TUB: variants seen among roughly 807,000 people sequenced by gnomAD.
TUB encodes the protein tubby protein homolog.
A neutral mutation model predicts 59.7 loss-of-function variants in TUB; 33 were observed. That is an observed-to-expected ratio of 0.55 (90% CI 0.42 to 0.74). The LOEUF is 0.74. TUB is among the 30% of genes least tolerant of loss of function. The probability of loss-of-function intolerance (pLI) is 0.00; values close to 1 mark genes in which losing one functional copy is unlikely to be tolerated. For missense variants in TUB, 659 were observed against 672.0 expected (o/e 0.98, Z 0.21); for synonymous variants, 293 against 256.4 (o/e 1.14, Z -1.36).
At chr11:8,055,223 G>A (rs1361835607) in intron 2 of TUB, among the ~76,000 whole-genome samples, 1 of 151,670 alleles carries the variant, frequency 6.6e-6, no homozygotes. Context: ...CTGTGTGTGT[G>A]CGTGTGTGAG....
upstream of TUB, among the ~76,000 whole-genome samples, chr11:8,033,671 TGGCAC>T (rs1482052529): frequency 6.6e-6 from 1 of 152,234 alleles, no homozygotes; most frequent in African/African-American, 2.4e-5. Flanking sequence ...ACCCAGGGCC[TGGCAC>T]GGCAGAGATG....
rs1943743023 is a variant in TUB at position 8,090,112 on chromosome 11, C to T, written c.134C>T (p.Pro45Leu). The change falls in exon 3 of 12, where the codon CCC becomes CTC. Residue 45 changes from proline (P) to leucine (L), a missense_variant. By Grantham distance (98) the Pro-to-Leu change is moderately conservative (BLOSUM62 -3). Coordinates refer to ENST00000299506, the MANE Select transcript of TUB (RefSeq NM_177972.3). ...EQKQKKKRQE[P>L]LMVQANADGR... is the part of the protein sequence containing the mutation. ...AAGCAGAAGAAGAAGCGCCAGGAGC[C>T]CCTGATGGTGCAGGCCAATGCAGAT... is the stretch of plus-strand genomic sequence containing the variant. The T allele has an allele frequency of 2.5e-6, 4 of 1,613,100 alleles. No individual in the cohort carries two copies. Among genetic ancestry groups the T allele is most frequent in the African/African-American group, 1.3e-5 (1 of 74,934 alleles).
upstream of TUB, among the ~76,000 whole-genome samples, chr11:8,038,148 G>A (rs531155895): frequency 6.6e-6 from 1 of 152,304 alleles, no homozygotes; most frequent in Admixed American, 6.5e-5. Flanking sequence ...AGACTCACAG[G>A]AAGTCCAAAA....
Position 8,094,161 on chromosome 11 carries a change from T to C in TUB, c.369T>C (p.Ala123=), listed in dbSNP as rs752116875. The C allele has an allele frequency of 4.3e-6, 7 of 1,613,716 alleles. No individual in the cohort carries two copies. The highest frequency in any genetic ancestry group is 2.2e-5 in the South Asian group (2 of 91,044). The change falls in exon 4 of 12, where the codon GCT becomes GCC. Residue 123 remains alanine (A), a synonymous_variant. Transcript: ENST00000299506. ...AATAGGQGGA[A]RKEKKGKHKG... ...CAGCAGGGGGCCAGGGTGGCGCCGC[T>C]AGGAAGGAGAAGAAGGGAAAGCACA...
chr11:8,048,328 G>T (rs1396718597), intron 2 of TUB, among the ~76,000 whole-genome samples: 1 of 152,192 alleles, frequency 6.6e-6, no homozygotes, highest in African/African-American at 2.4e-5. Flanking sequence ...ATAAGTGAAT[G>T]AATGTTTTAA....
At chr11:8,076,789 T>C (rs1318761704), upstream of TUB, 1 of 152,240 alleles carries the variant, frequency 6.6e-6, no homozygotes, top group East Asian at 1.9e-4. Flanking sequence ...ATTTTATGTT[T>C]CCTGTAGATT....
chr11:8,046,216 A>G (rs905021483), intron 2 of TUB, among the ~76,000 whole-genome samples: 10 of 152,088 alleles, frequency 6.6e-5, no homozygotes, highest in African/African-American at 2.4e-4. Flanking sequence ...TTTCCTCAGG[A>G]TCATTGCCTT....
intron 2 of TUB, among the ~76,000 whole-genome samples, chr11:8,060,326 C>T (rs894923086): frequency 6.6e-6 from 1 of 152,152 alleles, no homozygotes; most frequent in East Asian, 1.9e-4. Flanking sequence ...TCCCTCCGTA[C>T]AGGAAAACCA....
chr11:8,056,117 G>A (rs1255579723), intron 2 of TUB, among the ~76,000 whole-genome samples: 2 of 152,182 alleles, frequency 1.3e-5, no homozygotes, highest in Non-Finnish European at 2.9e-5. Flanking sequence ...TTAGCCAACA[G>A]TTCTGTCCTA....
At chr11:8,046,805 C>T (rs1240436782) in intron 2 of TUB, among the ~76,000 whole-genome samples, 1 of 152,176 alleles carries the variant, frequency 6.6e-6, no homozygotes, top group African/African-American at 2.4e-5. Context: ...TCAGTGGATT[C>T]TCTGAAGCAG....
rs1325867769 is a variant in TUB at position 8,105,305 on chromosome 11, C to T, written c.*3686C>T. On this transcript the variant is annotated 3_prime_UTR_variant, in exon 12 of 12. Coordinates refer to ENST00000299506, the MANE Select transcript of TUB (RefSeq NM_177972.3). ...AGTCTGCTTTCACTGTGACTGGGAC[C>T]TGAATGACCTGCAGTCAGGGCCCAG... 1 of 152,182 alleles carries T rather than the reference C, an allele frequency of 6.6e-6. No individual in the cohort carries two copies. The highest frequency in any genetic ancestry group is 1.5e-5 in the Non-Finnish European group (1 of 68,044). The allele number at this position is 152,182 out of a possible 1,614,324, so 9.4% of individuals were successfully genotyped here.
chr11:8,085,977 G>A (rs1207348257), intron 1 of TUB, among the ~76,000 whole-genome samples: 4 of 152,178 alleles, frequency 2.6e-5, no homozygotes, highest in Admixed American at 6.5e-5. Flanking sequence ...CTGCCACCTC[G>A]TTGGTGCTGG....
intron 5 of TUB, 109 bp from the exon 6 acceptor site, chr11:8,096,576 T>G (rs1944002462): frequency 5.3e-6 from 4 of 760,776 alleles, no homozygotes; most frequent in Admixed American, 3.5e-5. Flanking sequence ...CATAAGTTTG[T>G]GGGGGTACAG....
At chr11:8,020,712 C>T (rs564605726) in intron 1 of TUB, among the ~76,000 whole-genome samples, 3 of 152,308 alleles carry the variant, frequency 2.0e-5, no homozygotes, top group African/African-American at 7.2e-5. Context: ...CTCCTGTCCA[C>T]CTCATGATTC....
Position 8,027,491 on chromosome 11 carries a change from T to A in TUB, c.56+8133T>A, listed in dbSNP as rs572801804. Among the ~76,000 whole-genome samples, 195 of 152,340 alleles carry A rather than the reference T, an allele frequency of 1.3e-3. 1 individual carries two copies. Among genetic ancestry groups the A allele is most frequent in the Non-Finnish European group, 2.4e-3 (163 of 68,038 alleles). ...GCATAAACCACATTTTGTTTATTTT[T>A]AAAATTTTTTAAATTTAAATTTTAT... is the stretch of plus-strand genomic sequence containing the variant. On this transcript the variant is annotated intron_variant, in intron 1 of 11. Transcript: ENST00000534099.
At chr11:8,084,774 A>C (rs1186820415) in intron 1 of TUB, among the ~76,000 whole-genome samples, 1 of 152,148 alleles carries the variant, frequency 6.6e-6, no homozygotes, top group African/African-American at 2.4e-5. Flanking sequence ...GGTTCTAAGC[A>C]CACCTGAGGG....
chr11:8,075,724 A>C (rs556559846), intron 2 of TUB: 2 of 152,188 alleles, frequency 1.3e-5, no homozygotes, highest in Admixed American at 6.5e-5. Flanking sequence ...GTAATAAAAA[A>C]AAAAATCTTG....
rs1345174025 is a variant in TUB at position 8,098,849 on chromosome 11, C to G, written c.1090C>G (p.Arg364Gly). Reference sequence around the variant, plus strand: ...CTCCACTTTGGAAAGTGGAACCTTACGTCAGGAGCTGGCAGCTGTGTGCTA... The same window carrying G: ...CTCCACTTTGGAAAGTGGAACCTTAGGTCAGGAGCTGGCAGCTGTGTGCTA... ...SSSTLESGTLRQELAAVCYET... is the reference protein window; with the variant it reads ...SSSTLESGTLGQELAAVCYET... The change falls in exon 9 of 12, where the codon CGT (arginine) becomes GGT (glycine). Residue 364 changes from arginine to glycine, a missense_variant. By Grantham distance (125) the Arg-to-Gly change is moderately radical (BLOSUM62 -2). Around this residue, in one of 3 missense-constraint regions of TUB, gnomAD observed 226 missense variants for 210.8 expected, o/e 1.07. Coordinates refer to ENST00000299506, the MANE Select transcript of TUB (RefSeq NM_177972.3). 2 of 1,614,044 alleles carry G rather than the reference C, an allele frequency of 1.2e-6. No homozygotes were observed. Among genetic ancestry groups the G allele is most frequent in the East Asian group, 2.2e-5 (1 of 44,878 alleles).
intron 2 of TUB, among the ~76,000 whole-genome samples, chr11:8,050,593 A>G (rs1942918966): frequency 2.0e-5 from 3 of 152,056 alleles, no homozygotes; most frequent in Non-Finnish European, 4.4e-5. Flanking sequence ...TCATTCATGT[A>G]TTTCTTTTTA....
Sources: allele counts gnomAD v4.1 joint callset (sites outside exome capture counted in the v4.1 genomes callset), GRCh38; gene constraint gnomAD v4.1.1; regional missense constraint gnomAD v4.1.1; transcripts MANE v1.5; gene names NCBI Gene and HGNC (gene_info 2026-07-23, HGNC 2026-07-21).